MECOM: variants seen among roughly 807,000 people sequenced by gnomAD.
MECOM encodes the protein MDS1 and EVI1 complex locus.
MECOM carries 13 observed loss-of-function variants against 116.3 expected under a neutral mutation model. The ratio of observed to expected loss-of-function variants is 0.11; its 90% confidence interval spans 0.07 to 0.18. MECOM has a LOEUF of 0.18. MECOM is among the 10% of genes least tolerant of loss of function. MECOM has a pLI of 1.00. For synonymous variants in MECOM, 528 were observed against 535.2 expected (o/e 0.99, Z 0.19); for missense variants, 1,299 against 1,509.0 (o/e 0.86, Z 2.31).
At chr3:169,339,881 T>A (rs1272769041) in intron 2 of MECOM, among the ~76,000 whole-genome samples, 1 of 152,082 alleles carries the variant, frequency 6.6e-6, no homozygotes, top group Non-Finnish European at 1.5e-5. Context: ...CTAAAGTGAG[T>A]CAAATATATG....
At chr3:169,496,643 A>G (rs1753852510) in intron 1 of MECOM, among the ~76,000 whole-genome samples, 1 of 152,170 alleles carries the variant, frequency 6.6e-6, no homozygotes. Context: ...AATGACTTCA[A>G]ATTCTTTCGT....
chr3:169,412,040 C>A (rs1265640809), intron 1 of MECOM, among the ~76,000 whole-genome samples: 2 of 151,816 alleles, frequency 1.3e-5, no homozygotes, highest in African/African-American at 2.4e-5. Context: ...AATCCCAGCA[C>A]TTTGGGAGGC....
rs1318120874 is a variant in MECOM, at chr3:169,483,501, A to T, written c.38-101977T>A. On this transcript the variant is annotated intron_variant, in intron 1 of 16. Coordinates refer to ENST00000651503, the MANE Select transcript of MECOM (RefSeq NM_004991.4). ...GAGAATTGAAATTTTTAAGCAGAAA[A>T]AAAAAGAAGTCAAGTTACAAATAAA... Among the ~76,000 whole-genome samples, 3 of 142,716 alleles carry T rather than the reference A, an allele frequency of 2.1e-5. No homozygotes were observed. The East Asian group carries it at 5.9e-4, about 28-fold the overall frequency. 93.6% of individuals were successfully genotyped at this position (142,716 alleles called of 152,430 possible).
In MECOM at chr3:169,236,662, G is replaced by C. The variant is rs571502878; in HGVS notation, c.376-92830C>G. Reference sequence around the variant, plus strand: ...CCTCGAAGAGCCGTCATCAAAAAAGGGTCACCCTGATTAATGATAATCAAT... The same window carrying C: ...CCTCGAAGAGCCGTCATCAAAAAAGCGTCACCCTGATTAATGATAATCAAT... On this transcript the variant is annotated intron_variant, in intron 2 of 16. Transcript: ENST00000651503. Among the ~76,000 whole-genome samples the C allele has an allele frequency of 6.6e-5, 10 of 152,246 alleles. No individual in the cohort carries two copies. The South Asian group carries it at 1.9e-3, about 28-fold the overall frequency.
At chr3:169,463,817 T>C (rs899723947) in intron 1 of MECOM, 5 of 152,214 alleles carry the variant, frequency 3.3e-5, no homozygotes, top group African/African-American at 4.8e-5. Flanking sequence ...AATTTGCACC[T>C]TCACTGTCAT....
intron 12 of MECOM, among the ~76,000 whole-genome samples, chr3:169,097,425 C>CACATA (rs1166199236): frequency 1.3e-5 from 2 of 152,052 alleles, no homozygotes; most frequent in Non-Finnish European, 2.9e-5. Context: ...TTAAAACGAA[C>CACATA]ACATAACACA....
intron 2 of MECOM, among the ~76,000 whole-genome samples, chr3:169,296,437 T>C (rs137881627): frequency 0.014 from 2,109 of 152,254 alleles, 160 homozygotes; most frequent in Admixed American, 0.12. Flanking sequence ...ATAAACTTGC[T>C]CTGTAAGAAG....
chr3:169,597,853 G>A (rs1029038430), intron 1 of MECOM, among the ~76,000 whole-genome samples: 8 of 152,182 alleles, frequency 5.3e-5, no homozygotes, highest in Non-Finnish European at 8.8e-5. Flanking sequence ...ATTAAAGGAA[G>A]ACTGGTGTCA....
intron 2 of MECOM, among the ~76,000 whole-genome samples, chr3:169,380,552 G>A (rs913846911): frequency 3.9e-5 from 6 of 151,956 alleles, no homozygotes; most frequent in African/African-American, 1.5e-4. Context: ...TGACTGAAAC[G>A]AGTGACTAAT....
At chr3:169,500,914 G>A (rs1754445927) in intron 1 of MECOM, among the ~76,000 whole-genome samples, 1 of 151,890 alleles carries the variant, frequency 6.6e-6, no homozygotes, top group South Asian at 2.1e-4. Flanking sequence ...AGTCTCAAAG[G>A]AGAGAGGAAA....
intron 1 of MECOM, among the ~76,000 whole-genome samples, chr3:169,656,268 G>A (rs1775533048): frequency 6.6e-6 from 1 of 152,162 alleles, no homozygotes; most frequent in African/African-American, 2.4e-5. Context: ...TTTATGTTGT[G>A]TAGTTAATGA....
intron 2 of MECOM, among the ~76,000 whole-genome samples, chr3:169,276,393 A>C (rs1445633102): frequency 6.6e-6 from 1 of 152,002 alleles, no homozygotes; most frequent in Non-Finnish European, 1.5e-5. Context: ...CTCTATTAAA[A>C]ATAGAAAAAA....
At chr3:169,541,619 G>T (rs1012768635) in intron 1 of MECOM, among the ~76,000 whole-genome samples, 1 of 152,206 alleles carries the variant, frequency 6.6e-6, no homozygotes. Flanking sequence ...GCCCAGGACG[G>T]CTCAGTGCCT....
At chr3:169,169,898 G>C (rs1336871089) in intron 2 of MECOM, among the ~76,000 whole-genome samples, 2 of 151,042 alleles carry the variant, frequency 1.3e-5, no homozygotes, top group Non-Finnish European at 2.9e-5. Context: ...CAAAGGCCTA[G>C]ATGATATCTT....
At chr3:169,212,046 T>A (rs1436875799) in intron 2 of MECOM, among the ~76,000 whole-genome samples, 1 of 152,062 alleles carries the variant, frequency 6.6e-6, no homozygotes, top group African/African-American at 2.4e-5. Context: ...CTGCATTCAA[T>A]CTATCAGAAA....
At chr3:169,305,629 C>T (rs1223955159) in intron 2 of MECOM, among the ~76,000 whole-genome samples, 1 of 152,192 alleles carries the variant, frequency 6.6e-6, no homozygotes, top group East Asian at 1.9e-4. Context: ...CAAGGCCCAG[C>T]CCACTGGAAA....
chr3:169,629,361 T>A (rs757648702), intron 1 of MECOM, among the ~76,000 whole-genome samples: 1 of 152,108 alleles, frequency 6.6e-6, no homozygotes, highest in Non-Finnish European at 1.5e-5. Context: ...CTAGCCTCTG[T>A]GTATCTGTTG....
chr3:169,129,338 A>G (rs1733927419), intron 4 of MECOM, among the ~76,000 whole-genome samples: 1 of 151,976 alleles, frequency 6.6e-6, no homozygotes, highest in African/African-American at 2.4e-5. Context: ...CAGGGGCTTT[A>G]TAAGTCTATG....
At chr3:169,435,956 A>T (rs1019499909) in intron 1 of MECOM, among the ~76,000 whole-genome samples, 1 of 152,174 alleles carries the variant, frequency 6.6e-6, no homozygotes, top group South Asian at 2.1e-4. Flanking sequence ...ATCATTCTTC[A>T]ATGTATCTGG....
Sources: gnomAD v4.1 joint callset for allele counts (sites outside exome capture counted in the v4.1 genomes callset) on GRCh38, gnomAD v4.1.1 for gene constraint, MANE v1.5 for transcripts, NCBI Gene and HGNC (gene_info 2026-07-23, HGNC 2026-07-21) for gene names.